Variants in KANK1 observed in about 807,000 individuals in gnomAD.
KANK1 encodes KN motif and ankyrin repeat domains 1, also known as KN motif and ankyrin repeat domain-containing protein 1.
Under a neutral mutation model 106.2 loss-of-function variants are expected in KANK1, and 109 were observed. That is an observed-to-expected ratio of 1.03 (90% CI 0.88 to 1.20). The LOEUF (loss-of-function observed/expected upper bound fraction) is 1.20. KANK1 is among the 50% of genes most tolerant of loss of function. KANK1 has a pLI of 0.00. For synonymous variants in KANK1, 873 were observed against 652.2 expected, an observed-to-expected ratio of 1.34 and a Z score of -5.16; for missense variants, 2,399 against 1,710.7, an observed-to-expected ratio of 1.40 and a Z score of -7.10.
At chr9:627,850 T>C (rs1280891759) in intron 1 of KANK1, among the ~76,000 whole-genome samples, 2 of 152,142 alleles carry the variant, frequency 1.3e-5, no homozygotes, top group African/African-American at 4.8e-5. Flanking sequence ...TTAGGCCAAA[T>C]AGGGCTAGGG....
At chr9:491,995 G>A (rs922324110) in intron 3 of KANK1, 55 of 152,360 alleles carry the variant, frequency 3.6e-4, no homozygotes, top group African/African-American at 1.3e-3. Context: ...GGAACTGTAA[G>A]TCTATTGAAC....
At chr9:549,076 T>G (rs1352864092) in intron 1 of KANK1, 2 of 152,120 alleles carry the variant, frequency 1.3e-5, no homozygotes, top group African/African-American at 2.4e-5. Context: ...CTAAAGTTTC[T>G]TTTCTTTTTT....
intron 1 of KANK1, among the ~76,000 whole-genome samples, chr9:519,090 A>G (rs1327062339): frequency 6.6e-6 from 1 of 151,472 alleles, no homozygotes; most frequent in Non-Finnish European, 1.5e-5. Context: ...GGGTTTCTCC[A>G]TGTTGGTCAG....
At chr9:561,931 C>G (rs1816557685) in intron 1 of KANK1, among the ~76,000 whole-genome samples, 1 of 151,868 alleles carries the variant, frequency 6.6e-6, no homozygotes, top group African/African-American at 2.4e-5. Context: ...GGCAACAACG[C>G]AATGCTGTTA....
At position 644,440 on chromosome 9, in the gene KANK1, G is replaced by A. The variant is rs557055316; in HGVS notation, c.-83-32450G>A. On this transcript the variant is annotated intron_variant, in intron 1 of 11. Coordinates refer to ENST00000382297, the MANE Select transcript of KANK1 (RefSeq NM_015158.5). Reference sequence around the variant, plus strand: ...AGGGGTTTAATTGGCTCAGGGTTCCGCAGGCCAGGAAGCATGGTGGCTTCT... The same window carrying A: ...AGGGGTTTAATTGGCTCAGGGTTCCACAGGCCAGGAAGCATGGTGGCTTCT... 3.3e-5 allele frequency among the ~76,000 whole-genome samples: 5 copies of A among 151,044 alleles called. 1 individual carries two copies. Among genetic ancestry groups the A allele is most frequent in the South Asian group, 2.1e-4 (1 of 4,830 alleles).
chr9:542,540 C>A (rs1317532868), intron 1 of KANK1, among the ~76,000 whole-genome samples: 1 of 152,158 alleles, frequency 6.6e-6, no homozygotes, highest in Admixed American at 6.5e-5. Context: ...TCCATATGAT[C>A]CAGCAATCCT....
chr9:649,150 G>A (rs770130845), intron 1 of KANK1, among the ~76,000 whole-genome samples: 1 of 152,104 alleles, frequency 6.6e-6, no homozygotes, highest in East Asian at 1.9e-4. Flanking sequence ...TGTAAGATAC[G>A]TGTTGTATAG....
chr9:631,662 C>G (rs1263437145), intron 1 of KANK1, among the ~76,000 whole-genome samples: 1 of 152,306 alleles, frequency 6.6e-6, no homozygotes. Context: ...TTCAGTGACT[C>G]CTGCTGCTTC....
chr9:742,824 T>A (rs966208691), intron 10 of KANK1, among the ~76,000 whole-genome samples: 1 of 152,188 alleles, frequency 6.6e-6, no homozygotes, highest in Non-Finnish European at 1.5e-5. Flanking sequence ...CCTACTATAG[T>A]GAACCTTTTC....
chr9:512,500 T>TA (rs2059078843), intron 1 of KANK1, among the ~76,000 whole-genome samples: 1 of 152,102 alleles, frequency 6.6e-6, no homozygotes, highest in South Asian at 2.1e-4. Context: ...TACCCATAGT[T>TA]ACCTGATTTA....
chr9:511,032 G>T lies in KANK1; in HGVS notation c.-84+6278G>T, dbSNP rs1301252518. Reference sequence around the variant, plus strand: ...AGAAAGCTAAGAGTTCATAGGGAATGAATGTATAATGATGCAAAATTGTAT... The same window carrying T: ...AGAAAGCTAAGAGTTCATAGGGAATTAATGTATAATGATGCAAAATTGTAT... On this transcript the variant is annotated intron_variant, in intron 1 of 11. Transcript: ENST00000382297. Among the ~76,000 whole-genome samples, 4 of 152,324 alleles carry T rather than the reference G, an allele frequency of 2.6e-5. No individual in the cohort carries two copies. In the East Asian group the frequency reaches 7.7e-4, roughly 29 times the overall value.
intron 1 of KANK1, among the ~76,000 whole-genome samples, chr9:525,771 T>A (rs1165774577): frequency 2.0e-5 from 3 of 151,600 alleles, no homozygotes; most frequent in Admixed American, 6.6e-5. Context: ...TATAGGAGAA[T>A]AAGCAGCAAA....
At chr9:481,844 T>TA (rs111626768) in intron 3 of KANK1, among the ~76,000 whole-genome samples, 9,779 of 140,590 alleles carry the variant, frequency 0.07, 1,070 homozygotes, top group African/African-American at 0.23. Context: ...ACCCTGTCTC[T>TA]AAAAAAAAAA....
intron 1 of KANK1, among the ~76,000 whole-genome samples, chr9:571,942 T>A (rs1478908337): frequency 6.6e-6 from 1 of 152,180 alleles, no homozygotes; most frequent in African/African-American, 2.4e-5. Flanking sequence ...GGTGATAGTA[T>A]TCCCAGGTTA....
intron 3 of KANK1, among the ~76,000 whole-genome samples, chr9:490,543 T>C (rs2058360917): frequency 6.6e-6 from 1 of 152,076 alleles, no homozygotes; most frequent in East Asian, 1.9e-4. Flanking sequence ...TAGGCAAACA[T>C]AGCAGTAAAC....
At chr9:700,042 G>A (rs1439489662) in intron 2 of KANK1, among the ~76,000 whole-genome samples, 1 of 152,176 alleles carries the variant, frequency 6.6e-6, no homozygotes, top group South Asian at 2.1e-4. Context: ...AGAGGTATTG[G>A]TGAATTGCAG....
At chr9:505,552 A>G (rs1269870387) in intron 1 of KANK1, among the ~76,000 whole-genome samples, 1 of 151,978 alleles carries the variant, frequency 6.6e-6, no homozygotes, top group African/African-American at 2.4e-5. Context: ...TTGACCGTTC[A>G]TCTCCTTCAC....
chr9:660,807 A>G (rs1843125389), intron 1 of KANK1, among the ~76,000 whole-genome samples: 2 of 152,160 alleles, frequency 1.3e-5, no homozygotes, highest in African/African-American at 4.8e-5. Context: ...GGTGTCTATA[A>G]CCTGACCAGG....
intron 3 of KANK1, among the ~76,000 whole-genome samples, chr9:480,509 G>C (rs1219816350): frequency 6.6e-6 from 1 of 152,214 alleles, no homozygotes; most frequent in African/African-American, 2.4e-5. Context: ...ATCTAAAAAG[G>C]CTTATATCAT....
Sources: gnomAD v4.1 joint callset for allele counts (sites outside exome capture counted in the v4.1 genomes callset) on GRCh38, gnomAD v4.1.1 for gene constraint, MANE v1.5 for transcripts, NCBI Gene and HGNC (gene_info 2026-07-23, HGNC 2026-07-21) for gene names.